The following ZNF292 variants were observed in gnomAD, a reference collection of about 807,000 sequenced individuals.
ZNF292 encodes the protein 16 zinc-finger domain protein.
ZNF292 carries 26 observed loss-of-function variants against 217.9 expected under a neutral mutation model. The ratio of observed to expected loss-of-function variants is 0.12; its 90% confidence interval spans 0.09 to 0.17. The LOEUF (loss-of-function observed/expected upper bound fraction) is 0.17. Ranked by LOEUF, ZNF292 falls within the 10% of genes least tolerant of loss-of-function variation. The pLI, the probability that ZNF292 is intolerant of heterozygous loss-of-function variation, is 1.00. For synonymous variants in ZNF292, 1,257 were observed against 1,124.1 expected (o/e 1.12, Z -2.37); for missense variants, 2,904 against 3,175.2 (o/e 0.91, Z 2.05).
At chr6:87,236,389 G>T (rs79357799) in intron 5 of ZNF292, among the ~76,000 whole-genome samples, 9 of 130,644 alleles carry the variant, frequency 6.9e-5, no homozygotes, top group Admixed American at 2.3e-4. Context: ...CCCATAGGTT[G>T]TTTTTTTTTT....
Position 87,255,429 on chromosome 6 carries a change from A to G in ZNF292, c.1800A>G (p.Leu600=), listed in dbSNP as rs963842822. The G allele has an allele frequency of 8.1e-6, 13 of 1,613,678 alleles. No individual in the cohort carries two copies. The highest frequency in any genetic ancestry group is 2.7e-5 in the African/African-American group (2 of 74,932). ...TTAAACAATCTAGTAAAGAGAGACT[A>G]GCAGCTATGAAACCATTAAGAAGAT... is the stretch of plus-strand genomic sequence containing the variant. ...LHVKQSSKER[L]AAMKPLRRLG... is the part of the protein sequence containing the mutation. The change falls in exon 8 of 8, where the codon CTA becomes CTG. Residue 600 remains leucine (L), a synonymous_variant. Coordinates refer to ENST00000369577, the MANE Select transcript of ZNF292 (RefSeq NM_015021.3).
chr6:87,188,702 A>G (rs1379572891), intron 1 of ZNF292, among the ~76,000 whole-genome samples: 1 of 148,180 alleles, frequency 6.7e-6, no homozygotes, highest in African/African-American at 2.5e-5. Context: ...GTATTAATAT[A>G]TAGCCAGCCG....
chr6:87,169,699 T>C (rs1381637455), intron 1 of ZNF292: 1 of 444,230 alleles, frequency 2.3e-6, no homozygotes, highest in African/African-American at 2.0e-5. Flanking sequence ...CAGGCTGGAA[T>C]GCAGTGACGC....
chr6:87,181,524 C>G (rs1562126538), intron 1 of ZNF292, among the ~76,000 whole-genome samples: 1 of 152,102 alleles, frequency 6.6e-6, no homozygotes, highest in Admixed American at 6.5e-5. Flanking sequence ...TTTTTGGGCG[C>G]AAAAACAGGA....
In ZNF292 at chr6:87,209,104, A is replaced by ACCCCCC. The variant is rs5878022; in HGVS notation, c.169-6796_169-6791dup. Among the ~76,000 whole-genome samples, 46 of 137,282 alleles carry ACCCCCC rather than the reference A, an allele frequency of 3.4e-4. 2 individuals carry two copies. The highest frequency in any genetic ancestry group is 8.7e-4 in the African/African-American group (29 of 33,468). 90.1% of individuals were successfully genotyped at this position (137,282 alleles called of 152,430 possible). A position where few individuals can be genotyped will look rare whatever the true frequency, so the allele number is the denominator to read the frequency against. On this transcript the variant is annotated intron_variant, in intron 1 of 7. Coordinates refer to ENST00000369577, the MANE Select transcript of ZNF292 (RefSeq NM_015021.3). The stretch of plus-strand genomic sequence containing the variant: ...TTATCTCATTTTTAGCCCCACTTTC[A>ACCCCCC]CCCCCCCCTCCCCATTTTCAGAGGC...
chr6:87,259,325 A>G lies in ZNF292; in HGVS notation c.5696A>G (p.Asn1899Ser). The change falls in exon 8 of 8, where the codon AAT becomes AGT. Residue 1899 changes from asparagine to serine, a missense_variant. Asn to Ser is a conservative substitution (Grantham distance 46). Transcript: ENST00000369577. The part of the protein sequence containing the change: ...MINIQFNDKV[N>S]KPFVCQNQGC... The stretch of plus-strand genomic sequence containing the variant: ...AACATTCAATTTAATGACAAAGTTA[A>G]TAAACCCTTTGTGTGTCAAAACCAA... 1 of 1,613,532 alleles carries G rather than the reference A, an allele frequency of 6.2e-7. No individual in the cohort carries two copies. Among genetic ancestry groups the G allele is most frequent in the Non-Finnish European group, 8.5e-7 (1 of 1,179,650 alleles).
At chr6:87,188,075 A>G (rs1771717056) in intron 1 of ZNF292, among the ~76,000 whole-genome samples, 1 of 152,150 alleles carries the variant, frequency 6.6e-6, no homozygotes, top group South Asian at 2.1e-4. Flanking sequence ...GGGGGAAAAG[A>G]CCCTAAAAGA....
chr6:87,174,311 T>C (rs1771208458), intron 1 of ZNF292: 1 of 152,310 alleles, frequency 6.6e-6, no homozygotes, highest in South Asian at 2.1e-4. Context: ...ACATTAATCT[T>C]AGTGTTAATA....
At chr6:87,214,164 T>C (rs1582431186) in intron 1 of ZNF292, among the ~76,000 whole-genome samples, 2 of 152,156 alleles carry the variant, frequency 1.3e-5, no homozygotes, top group Non-Finnish European at 2.9e-5. Context: ...CTGAATAATC[T>C]TGGATATAAT....
At chr6:87,202,643 C>G (rs556200691) in intron 1 of ZNF292, among the ~76,000 whole-genome samples, 5 of 152,106 alleles carry the variant, frequency 3.3e-5, no homozygotes, top group African/African-American at 9.7e-5. Context: ...TCTGGATACC[C>G]TCTATCACAT....
chr6:87,243,434 A>G, intron 5 of ZNF292, 41 bp from the exon 6 acceptor site: 2 of 1,500,912 alleles, frequency 1.3e-6, no homozygotes, highest in Non-Finnish European at 1.8e-6. Flanking sequence ...ATTCTAATAT[A>G]AAACCATTTT....
chr6:87,176,946 C>A (rs1449573544), intron 1 of ZNF292, among the ~76,000 whole-genome samples: 1 of 152,102 alleles, frequency 6.6e-6, no homozygotes, highest in Non-Finnish European at 1.5e-5. Flanking sequence ...GTTTTCCCTC[C>A]ATCCTCCCAC....
intron 4 of ZNF292, chr6:87,222,702 G>A (rs1773145657): frequency 2.4e-6 from 1 of 413,252 alleles, no homozygotes; most frequent in South Asian, 1.8e-5. Flanking sequence ...TTTATACTTT[G>A]TTATTAATTA....
chr6:87,182,646 G>A (rs1771504121), intron 1 of ZNF292, among the ~76,000 whole-genome samples: 1 of 152,096 alleles, frequency 6.6e-6, no homozygotes, highest in Admixed American at 6.5e-5. Flanking sequence ...AGTTATATGT[G>A]TAAAATAGTT....
chr6:87,245,504 G>A lies in ZNF292; in HGVS notation c.880G>A (p.Glu294Lys). The A allele has an allele frequency of 6.7e-7, 1 of 1,501,542 alleles. No homozygotes were observed. The highest frequency in any genetic ancestry group is 8.9e-7 in the Non-Finnish European group (1 of 1,129,346). The allele number at this position is 1,501,542 out of a possible 1,614,324, so 93.0% of individuals were successfully genotyped here. ...TTATTATAACTTTTTTTTTTTAAGGGAACTTACTCTCTTTTGGAGTAAATT... is the reference window on the plus strand; with the variant it reads ...TTATTATAACTTTTTTTTTTTAAGGAAACTTACTCTCTTTTGGAGTAAATT... ...LQQGDMYCAW[E>K]LTLFWSKLQQ... The change falls in exon 7 of 8, where the codon GAA (glutamate) becomes AAA (lysine). Residue 294 changes from glutamate to lysine, a missense_variant and splice_region_variant. Glu to Lys is a moderately conservative substitution (Grantham distance 56, BLOSUM62 1). Transcript: ENST00000369577.
chr6:87,244,455 G>GT (rs1421192514), intron 6 of ZNF292, among the ~76,000 whole-genome samples: 1 of 152,174 alleles, frequency 6.6e-6, no homozygotes, highest in Non-Finnish European at 1.5e-5. Context: ...TGTTTTGTTG[G>GT]TTTTTACAAA....
In ZNF292 at chr6:87,261,517, A is replaced by T. The variant is rs1562196864; in HGVS notation, c.7888A>T (p.Asn2630Tyr). 6.2e-7 allele frequency: 1 copy of T among 1,607,616 alleles called. No homozygotes were observed. Among genetic ancestry groups the T allele is most frequent in the Non-Finnish European group, 8.5e-7 (1 of 1,176,572 alleles). ...KKGSHSNSRK[N>Y]IDKTAVTSGN... ...AGGATCCCATTCAAATTCAAGAAAA[A>T]ATATTGATAAGACTGCTGTGACTAG... Residue 2630 changes from asparagine (N) to tyrosine (Y), a missense_variant, in exon 8 of 8, where the codon AAT becomes TAT. Asn to Tyr is a moderately radical substitution (Grantham distance 143, BLOSUM62 -2). Transcript: ENST00000369577.
intron 1 of ZNF292, among the ~76,000 whole-genome samples, chr6:87,196,743 G>A (rs1464946216): frequency 2.0e-5 from 3 of 152,200 alleles, no homozygotes; most frequent in African/African-American, 7.2e-5. Context: ...GACTGCTTGT[G>A]TTCATGACAC....
rs1359792563 is a variant in ZNF292 at position 87,262,358 on chromosome 6, A to G, written c.*557A>G. 1.3e-5 allele frequency: 2 copies of G among 152,128 alleles called. No individual in the cohort carries two copies. Among genetic ancestry groups the G allele is most frequent in the African/African-American group, 2.4e-5 (1 of 41,458 alleles). The allele number at this position is 152,128 out of a possible 1,614,324, so 9.4% of individuals were successfully genotyped here. A position where few individuals can be genotyped will look rare whatever the true frequency, so the allele number is the denominator to read the frequency against. ...TAGTTCATTGATTTTTACATGAAAC[A>G]TTTATTTACAAGATGATATCAAGAT... On this transcript the variant is annotated 3_prime_UTR_variant, in exon 8 of 8. Transcript: ENST00000369577.
Sources: gnomAD v4.1 joint callset for allele counts (sites outside exome capture counted in the v4.1 genomes callset) on GRCh38, gnomAD v4.1.1 for gene constraint, MANE v1.5 for transcripts, NCBI Gene and HGNC (gene_info 2026-07-23, HGNC 2026-07-21) for gene names.